Variants in BFSP1 observed in about 807,000 individuals in gnomAD.
BFSP1 encodes beaded filament structural protein 1.
BFSP1 carries 38 observed loss-of-function variants against 43.9 expected under a neutral mutation model. That is an observed-to-expected ratio of 0.87 (90% confidence interval 0.67 to 1.14). The LOEUF is 1.14. Among genes scored for constraint, BFSP1 ranks in the 50% most tolerant of loss-of-function variants. BFSP1 has a pLI of 0.00. For synonymous variants in BFSP1, 352 were observed against 354.8 expected, an observed-to-expected ratio of 0.99 and a Z score of 0.09; for missense variants, 850 against 875.1, an observed-to-expected ratio of 0.97 and a Z score of 0.36.
chr20:17,515,965 G>A (rs1306260230), intron 2 of BFSP1, among the ~76,000 whole-genome samples: 4 of 152,204 alleles, frequency 2.6e-5, no homozygotes, highest in African/African-American at 9.6e-5. Context: ...GCCATGAGAT[G>A]TAGGGACACT....
At chr20:17,560,479 TTC>T (rs1344286518), upstream of BFSP1, 1 of 152,236 alleles carries the variant, frequency 6.6e-6, no homozygotes, top group Admixed American at 6.5e-5. Flanking sequence ...ATCTTGGCAT[TTC>T]TGTTTTCACT....
intron 6 of BFSP1, among the ~76,000 whole-genome samples, chr20:17,498,101 C>A (rs1461603933): frequency 1.3e-5 from 2 of 152,220 alleles, no homozygotes; most frequent in Non-Finnish European, 2.9e-5. Flanking sequence ...AAGGGAAGAG[C>A]TGCTCCTGGT....
chr20:17,529,185 G>A (rs2034482965), intron 1 of BFSP1, among the ~76,000 whole-genome samples: 1 of 151,810 alleles, frequency 6.6e-6, no homozygotes, highest in Admixed American at 6.6e-5. Flanking sequence ...TGATTCTCCT[G>A]CCTCAGCCTC....
chr20:17,494,844 A>G lies in BFSP1; in HGVS notation c.1228T>C (p.Ser410Pro), dbSNP rs2033592109. ...TCTTTACTTTCTGATTCAAACTTAG[A>G]TTCACTTTCCTCTTTAAGTACCACC... ...VQVVLKEESE[S>P]KFESESKEVS... Residue 410 changes from serine to proline, a missense_variant, in exon 8 of 8, where the codon TCT becomes CCT. Ser to Pro is a moderately conservative substitution (Grantham distance 74, BLOSUM62 -1). Coordinates refer to ENST00000377873, the MANE Select transcript of BFSP1 (RefSeq NM_001195.5). The G allele has an allele frequency of 6.2e-7, 1 of 1,614,112 alleles. No homozygotes were observed. The highest frequency in any genetic ancestry group is 1.1e-5 in the South Asian group (1 of 91,070).
intron 1 of BFSP1, among the ~76,000 whole-genome samples, chr20:17,529,090 T>TGA (rs1555803750): frequency 0.012 from 1,890 of 151,608 alleles, 22 homozygotes; most frequent in Middle Eastern, 0.02. Flanking sequence ...TGTGTGTGTG[T>TGA]GAGACAGAGT....
chr20:17,553,377 A>G (rs1281519558), intron 1 of BFSP1, among the ~76,000 whole-genome samples: 1 of 152,182 alleles, frequency 6.6e-6, no homozygotes, highest in Non-Finnish European at 1.5e-5. Flanking sequence ...CACAGGGTAG[A>G]CAAAAAAACA....
exon 1 of BFSP1, chr20:17,558,822 G>C (rs1056316959): frequency 3.0e-6 from 4 of 1,354,222 alleles, no homozygotes; most frequent in Non-Finnish European, 4.0e-6. Context: ...GGCCAGGTCT[G>C]GGCTGAGAAA....
exon 1 of BFSP1, chr20:17,558,785 CCCAGGACT>C: frequency 6.5e-7 from 1 of 1,528,482 alleles, no homozygotes; most frequent in Non-Finnish European, 8.8e-7. Flanking sequence ...ACCCTGCCTA[CCCAGGACT>C]CCAAAACCCT....
At chr20:17,498,653 T>C (rs2033713821) in intron 6 of BFSP1, among the ~76,000 whole-genome samples, 167 bp downstream of exon 6, 1 of 152,196 alleles carries the variant, frequency 6.6e-6, no homozygotes, top group African/African-American at 2.4e-5. Flanking sequence ...CGTACCTTCA[T>C]CCTCTGTCTC....
intron 1 of BFSP1, among the ~76,000 whole-genome samples, chr20:17,526,386 C>T (rs1427101470): frequency 1.2e-4 from 18 of 152,164 alleles, no homozygotes; most frequent in African/African-American, 4.3e-4. Flanking sequence ...ATGAATTTGA[C>T]ACGCCCAACT....
At chr20:17,545,255 C>T (rs1402877417) in intron 1 of BFSP1, among the ~76,000 whole-genome samples, 2 of 152,024 alleles carry the variant, frequency 1.3e-5, no homozygotes, top group East Asian at 1.9e-4. Context: ...GTAGGGTTTG[C>T]GGGCTGGGCT....
intron 2 of BFSP1, among the ~76,000 whole-genome samples, chr20:17,521,284 T>A (rs1224032007): frequency 6.6e-6 from 1 of 152,232 alleles, no homozygotes; most frequent in African/African-American, 2.4e-5. Flanking sequence ...CCTACTATAA[T>A]TTATCTGGCT....
rs755667645 is a variant in BFSP1 at position 17,524,858 on chromosome 20, C to A, written c.428G>T (p.Arg143Leu). ...CQLLLKEMLE[R>L]LNKEADEALL... ...ATGTGTTCCGCTCACCTTGTTAAGC[C>A]GTTCAAGCATTTCTTTTAGCAGGAG... The change falls in exon 2 of 8, where the codon CGG becomes CTG. Residue 143 changes from arginine to leucine, a missense_variant. Physicochemically the swap from Arg to Leu is moderately radical, Grantham distance 102 (BLOSUM62 -2). Transcript: ENST00000377873. 5 of 1,614,008 alleles carry A rather than the reference C, an allele frequency of 3.1e-6. No individual in the cohort carries two copies. The Admixed American group carries it at 8.3e-5, about 27-fold the overall frequency.
chr20:17,567,555 ATCTT>A (rs1315759341), intron 1 of BFSP1, among the ~76,000 whole-genome samples: 1 of 152,106 alleles, frequency 6.6e-6, no homozygotes, highest in Non-Finnish European at 1.5e-5. Flanking sequence ...GGTGATTTGG[ATCTT>A]TATTAAGATT....
chr20:17,501,419 G>T (rs1195797356), intron 5 of BFSP1, among the ~76,000 whole-genome samples: 2 of 152,120 alleles, frequency 1.3e-5, no homozygotes, highest in African/African-American at 4.8e-5. Context: ...ACAAAAATTA[G>T]CTGGGCGTGG....
At chr20:17,506,099 T>C (rs2033930394) in intron 5 of BFSP1, among the ~76,000 whole-genome samples, 1 of 151,956 alleles carries the variant, frequency 6.6e-6, no homozygotes, top group Non-Finnish European at 1.5e-5. Context: ...GGGTTCAGAG[T>C]TCGCTGCCGG....
At chr20:17,516,743 T>G (rs1418043860) in intron 2 of BFSP1, 3 of 311,918 alleles carry the variant, frequency 9.6e-6, no homozygotes, top group Non-Finnish European at 1.8e-5. Flanking sequence ...AACTTGAGAG[T>G]TGTACAAGAT....
chr20:17,557,888 T>A, intron 1 of BFSP1, among the ~76,000 whole-genome samples: 1 of 152,218 alleles, frequency 6.6e-6, no homozygotes, highest in East Asian at 1.9e-4. Flanking sequence ...GTGGATACAA[T>A]GGCCTTTTCA....
chr20:17,502,949 T>C (rs1301347466), intron 5 of BFSP1, among the ~76,000 whole-genome samples: 3 of 152,042 alleles, frequency 2.0e-5, no homozygotes, highest in Admixed American at 2.0e-4. Context: ...GAGGGAAGTG[T>C]GTGGGGCTGT....
Sources: gnomAD v4.1 joint callset for allele counts (sites outside exome capture counted in the v4.1 genomes callset) on GRCh38, gnomAD v4.1.1 for gene constraint, MANE v1.5 for transcripts, NCBI Gene and HGNC (gene_info 2026-07-23, HGNC 2026-07-21) for gene names.